The following UBR1 variants were observed in gnomAD, a reference collection of about 807,000 sequenced individuals.
The protein encoded by UBR1 is ubiquitin protein ligase E3 component n-recognin 1.
In UBR1, 102 loss-of-function variants were observed where a neutral mutation model predicts 242.1. The observed-to-expected ratio is 0.42, with a 90% CI of 0.36 to 0.50. UBR1 has a LOEUF of 0.50. Among genes scored for constraint, UBR1 ranks in the 20% least tolerant of loss-of-function variants. The pLI is 0.01. For synonymous variants in UBR1, 675 were observed against 684.8 expected (o/e 0.99, Z 0.22); for missense variants, 1,772 against 2,101.8 (o/e 0.84, Z 3.07).
chr15:43,000,591 C>G (rs925749797), intron 32 of UBR1, among the ~76,000 whole-genome samples: 1 of 152,056 alleles, frequency 6.6e-6, no homozygotes, highest in African/African-American at 2.4e-5. Flanking sequence ...TGTCTTGGGA[C>G]AAGTAAAAAC....
chr15:43,078,015 C>T (rs1224513919), intron 3 of UBR1, among the ~76,000 whole-genome samples: 1 of 152,126 alleles, frequency 6.6e-6, no homozygotes, highest in Non-Finnish European at 1.5e-5. Flanking sequence ...AAGGAATTCC[C>T]ATTGCCTATC....
At chr15:42,947,895 A>G (rs2031764508) in intron 46 of UBR1, among the ~76,000 whole-genome samples, 1 of 152,206 alleles carries the variant, frequency 6.6e-6, no homozygotes, top group Admixed American at 6.5e-5. Flanking sequence ...ATCCCCATCA[A>G]GCTACCAATG....
intron 1 of UBR1, chr15:43,092,002 C>T (rs1369848224): frequency 8.9e-6 from 4 of 451,540 alleles, no homozygotes; most frequent in East Asian, 1.4e-4. Flanking sequence ...GGGAGAATTG[C>T]TTGAGTCAGA....
chr15:43,086,197 T>C lies in UBR1; in HGVS notation c.125A>G (p.His42Arg), dbSNP rs2034033690. Residue 42 changes from histidine to arginine, a missense_variant, in exon 2 of 47, where the codon CAT (histidine) becomes CGT (arginine). This residue lies in a region of UBR1 where 734 missense variants were observed against 893.3 expected (regional missense o/e 0.82). Transcript: ENST00000290650. Reference sequence around the variant, plus strand: ...AATTTCTGGCACCAATTGTGCCAAATGATGCAAGAAAGCAGTATAAAAATC... The same window carrying C: ...AATTTCTGGCACCAATTGTGCCAAACGATGCAAGAAAGCAGTATAAAAATC... ...QVDFYTAFLH[H>R]LAQLVPEIYF... 1.2e-6 allele frequency: 2 copies of C among 1,614,050 alleles called. No individual in the cohort carries two copies. The highest frequency in any genetic ancestry group is 8.5e-7 in the Non-Finnish European group (1 of 1,179,992).
At chr15:43,059,324 C>A in intron 8 of UBR1, 132 bp from the exon 9 acceptor site, 1 of 776,654 alleles carries the variant, frequency 1.3e-6, no homozygotes, top group Non-Finnish European at 2.2e-6. Context: ...CTCAGCCTCT[C>A]ACAGTGCTGG....
chr15:43,058,796 G>A (rs1355405373), intron 9 of UBR1, among the ~76,000 whole-genome samples: 1 of 151,810 alleles, frequency 6.6e-6, no homozygotes, highest in Non-Finnish European at 1.5e-5. Flanking sequence ...CTCGATAATG[G>A]CACTACTACC....
At chr15:43,041,382 G>A (rs1441364057) in intron 15 of UBR1, among the ~76,000 whole-genome samples, 1 of 152,064 alleles carries the variant, frequency 6.6e-6, no homozygotes, top group African/African-American at 2.4e-5. Flanking sequence ...TCATAGGTGG[G>A]AATTGAATAA....
chr15:43,030,083 T>G lies in UBR1; in HGVS notation c.2255-15A>C. On this transcript the variant is annotated splice_polypyrimidine_tract_variant and intron_variant, in intron 20 of 46. Coordinates refer to ENST00000290650, the MANE Select transcript of UBR1 (RefSeq NM_174916.3). ...ATAACGCTCACCTAGTTCAAATAAT[T>G]AAAAACAAAAAAAAAGTAGAATAAT... 1.2e-6 allele frequency: 2 copies of G among 1,610,712 alleles called. No individual in the cohort carries two copies. Among genetic ancestry groups the G allele is most frequent in the Non-Finnish European group, 1.7e-6 (2 of 1,178,716 alleles).
intron 27 of UBR1, among the ~76,000 whole-genome samples, chr15:43,019,242 T>G (rs1280713429): frequency 1.3e-5 from 2 of 152,048 alleles, no homozygotes; most frequent in Non-Finnish European, 2.9e-5. Context: ...TTTTTGTATT[T>G]TTAGTAGAGA....
chr15:42,947,517 T>C (rs1007442466), intron 46 of UBR1, among the ~76,000 whole-genome samples: 9 of 152,056 alleles, frequency 5.9e-5, no homozygotes, highest in Admixed American at 3.3e-4. Flanking sequence ...GATGACATGA[T>C]TGTATATCTA....
At chr15:43,051,801 G>A (rs1282492524) in intron 12 of UBR1, among the ~76,000 whole-genome samples, 2 of 152,158 alleles carry the variant, frequency 1.3e-5, no homozygotes, top group Non-Finnish European at 2.9e-5. Context: ...GATAAAAATA[G>A]GTGGCAAAAG....
intron 46 of UBR1, among the ~76,000 whole-genome samples, chr15:42,949,933 G>A (rs1278381307): frequency 6.6e-6 from 1 of 150,962 alleles, no homozygotes; most frequent in East Asian, 2.0e-4. Context: ...CAACCTCCTG[G>A]GTTCAAGTGA....
intron 15 of UBR1, among the ~76,000 whole-genome samples, chr15:43,041,362 A>T (rs1020542813): frequency 4.6e-5 from 7 of 152,256 alleles, no homozygotes; most frequent in Non-Finnish European, 8.8e-5. Context: ...CAAACACTGC[A>T]TGTTCTCACT....
intron 30 of UBR1, 67 bp downstream of exon 30, chr15:43,007,012 G>C: frequency 6.7e-7 from 1 of 1,484,716 alleles, no homozygotes; most frequent in Non-Finnish European, 9.4e-7. Context: ...TTTTCAAATA[G>C]TATTTTCTTT....
At chr15:43,027,137 G>A (rs1340472775) in intron 22 of UBR1, among the ~76,000 whole-genome samples, 1 of 151,934 alleles carries the variant, frequency 6.6e-6, no homozygotes, top group Non-Finnish European at 1.5e-5. Context: ...AATCACTGAG[G>A]TCAAAAGGAG....
chr15:43,045,357 C>G (rs984714609), intron 14 of UBR1, among the ~76,000 whole-genome samples: 6 of 152,230 alleles, frequency 3.9e-5, no homozygotes, highest in African/African-American at 1.2e-4. Flanking sequence ...GTCCCAGCGA[C>G]TTTGGAGGCT....
chr15:42,958,179 A>G, intron 43 of UBR1, 89 bp from the exon 44 acceptor site: 1 of 889,184 alleles, frequency 1.1e-6, no homozygotes, highest in South Asian at 1.4e-5. Flanking sequence ...TGTCTTAAAA[A>G]TAACAAAAGG....
intron 40 of UBR1, 43 bp downstream of exon 40, chr15:42,970,477 A>G (rs992383730): frequency 2.5e-6 from 4 of 1,573,534 alleles, no homozygotes; most frequent in Non-Finnish European, 3.5e-6. Context: ...TGAACAAGAA[A>G]TGGAATTATT....
At chr15:42,947,415 T>C (rs62020699) in intron 46 of UBR1, among the ~76,000 whole-genome samples, 83,731 of 151,832 alleles carry the variant, frequency 0.55, 27,194 homozygotes, top group Non-Finnish European at 0.71. Flanking sequence ...TTCAACATAG[T>C]GTTGGAAGTT....
Sources: allele counts gnomAD v4.1 joint callset (sites outside exome capture counted in the v4.1 genomes callset), GRCh38; gene constraint gnomAD v4.1.1; regional missense constraint gnomAD v4.1.1; transcripts MANE v1.5; gene names NCBI Gene and HGNC (gene_info 2026-07-23, HGNC 2026-07-21).